The following ANKRD12 variants were observed in gnomAD, a reference collection of about 807,000 sequenced individuals.
The protein encoded by ANKRD12 is ankyrin repeat domain 12.
In ANKRD12, 85 loss-of-function variants were observed where a neutral mutation model predicts 183.4. The ratio of observed to expected loss-of-function variants is 0.46; its 90% CI spans 0.39 to 0.56. The LOEUF is 0.56. Among genes scored for constraint, ANKRD12 ranks in the 20% least tolerant of loss-of-function variants. The pLI, the probability that ANKRD12 is intolerant of heterozygous loss-of-function variation, is 0.00. For missense variants in ANKRD12, 2,405 were observed against 2,357.1 expected (o/e 1.02, Z -0.42); for synonymous variants, 914 against 800.2 (o/e 1.14, Z -2.40).
intron 4 of ANKRD12, among the ~76,000 whole-genome samples, chr18:9,206,884 A>C (rs1395398845): frequency 2.0e-5 from 3 of 152,074 alleles, no homozygotes; most frequent in Non-Finnish European, 4.4e-5. Context: ...TACAAACAAA[A>C]ATGCAAAATT....
At position 9,179,452 on chromosome 18, in the gene ANKRD12, C is replaced by A. The variant is rs117176359; in HGVS notation, c.-51-2930C>A. On this transcript the variant is annotated intron_variant, in intron 1 of 12. Coordinates refer to ENST00000262126, the MANE Select transcript of ANKRD12 (RefSeq NM_015208.5). Reference sequence around the variant, plus strand: ...TTGAATGTTAGCTAACACATTTTATCTTACCTGTTGAGATGGTCATATATT... The same window carrying A: ...TTGAATGTTAGCTAACACATTTTATATTACCTGTTGAGATGGTCATATATT... Among the ~76,000 whole-genome samples, 34 of 152,210 alleles carry A rather than the reference C, an allele frequency of 2.2e-4. 1 individual carries two copies. In the East Asian group the frequency reaches 5.8e-3, roughly 26 times the overall value.
At chr18:9,155,130 T>G (rs1474485403) in intron 1 of ANKRD12, among the ~76,000 whole-genome samples, 1 of 152,130 alleles carries the variant, frequency 6.6e-6, no homozygotes, top group Non-Finnish European at 1.5e-5. Flanking sequence ...AAGAAGAGAT[T>G]AAAAAATAAG....
chr18:9,150,247 T>C (rs938484768), intron 1 of ANKRD12, among the ~76,000 whole-genome samples: 3 of 152,182 alleles, frequency 2.0e-5, no homozygotes, highest in Non-Finnish European at 4.4e-5. Flanking sequence ...CTATTCTGGA[T>C]TTAGAGTTAG....
intron 4 of ANKRD12, among the ~76,000 whole-genome samples, chr18:9,205,463 C>T (rs1390843423): frequency 6.6e-6 from 1 of 151,570 alleles, no homozygotes; most frequent in African/African-American, 2.4e-5. Context: ...GTGGAAGAAC[C>T]AAATAATAAT....
At chr18:9,153,895 GTTCT>G (rs2143628141) in intron 1 of ANKRD12, among the ~76,000 whole-genome samples, 1 of 152,122 alleles carries the variant, frequency 6.6e-6, no homozygotes, top group African/African-American at 2.4e-5. Flanking sequence ...AATCTGAAGA[GTTCT>G]TTATTTCAAC....
At chr18:9,244,574 A>C (rs1215305149) in intron 8 of ANKRD12, among the ~76,000 whole-genome samples, 1 of 152,342 alleles carries the variant, frequency 6.6e-6, no homozygotes, top group East Asian at 1.9e-4. Flanking sequence ...AACTTTGTGA[A>C]GAGTGTTACC....
intron 1 of ANKRD12, among the ~76,000 whole-genome samples, chr18:9,145,841 C>T (rs1208118556): frequency 6.6e-6 from 1 of 152,158 alleles, no homozygotes; most frequent in Non-Finnish European, 1.5e-5. Flanking sequence ...TAGAAAGGTT[C>T]TTAAGGGTTT....
intron 2 of ANKRD12, among the ~76,000 whole-genome samples, chr18:9,189,228 A>G (rs974149694): frequency 6.6e-6 from 1 of 152,214 alleles, no homozygotes; most frequent in Middle Eastern, 3.2e-3. Context: ...CCAAAGTTCA[A>G]TCCAGATCAA....
At position 9,254,631 on chromosome 18, in the gene ANKRD12, A is replaced by G; in HGVS notation, c.1364A>G (p.Gln455Arg). ...VIPETSNSDM[Q>R]TKKEYVVSGE... ...CCTGAAACATCAAATTCTGATATGC[A>G]AACCAAAAAGGAATATGTAGTTTCA... Residue 455 changes from glutamine to arginine, a missense_variant, in exon 9 of 13, where the codon CAA (glutamine) becomes CGA (arginine). Gln to Arg is a conservative substitution (Grantham distance 43). Transcript: ENST00000262126. 1 of 1,582,332 alleles carries G rather than the reference A, an allele frequency of 6.3e-7. No homozygotes were observed. The highest frequency in any genetic ancestry group is 2.3e-5 in the East Asian group (1 of 44,304).
At chr18:9,250,538 G>A (rs11664929) in intron 8 of ANKRD12, among the ~76,000 whole-genome samples, 16,768 of 151,834 alleles carry the variant, frequency 0.11, 1,083 homozygotes, top group African/African-American at 0.16. Context: ...GGGCAACATA[G>A]TGAGTCCTCA....
At position 9,262,614 on chromosome 18, in the gene ANKRD12, C is replaced by T. The variant is rs1285643108; in HGVS notation, c.5665-1176C>T. ...TGCTGAGGCTACAGGCAGACACCAC[C>T]ACATCCAGCTAATTTTTAAATTTTT... On this transcript the variant is annotated intron_variant, in intron 9 of 12. Transcript: ENST00000262126. 4.6e-5 allele frequency among the ~76,000 whole-genome samples: 7 copies of T among 151,792 alleles called. No homozygotes were observed. The South Asian group carries it at 8.3e-4, about 18-fold the overall frequency.
chr18:9,213,788 G>A (rs910957313), intron 6 of ANKRD12, among the ~76,000 whole-genome samples: 2 of 151,720 alleles, frequency 1.3e-5, no homozygotes, highest in Non-Finnish European at 3.0e-5. Context: ...AAGTAATTAA[G>A]TTTATTTTAG....
chr18:9,251,534 C>CTGT (rs2145133141), intron 8 of ANKRD12, among the ~76,000 whole-genome samples: 1 of 152,268 alleles, frequency 6.6e-6, no homozygotes, highest in South Asian at 2.1e-4. Context: ...TGGCTCACAC[C>CTGT]TGTAATCCCA....
rs756217370 is a variant in ANKRD12, at chr18:9,221,969, C to G, written c.913C>G (p.Pro305Ala). 6.2e-7 allele frequency: 1 copy of G among 1,613,524 alleles called. No homozygotes were observed. The stretch of plus-strand genomic sequence containing the variant: ...GGAGTTGCTACTAAAAAGAGAGGTG[C>G]CTTTATCTGATGATGATGAAAGTTA... ...ELELLLKREVPLSDDDESYTD... is the reference protein window; with the variant it reads ...ELELLLKREVALSDDDESYTD... Residue 305 changes from proline to alanine, a missense_variant, in exon 8 of 13, where the codon CCT becomes GCT. Pro to Ala is a conservative substitution (Grantham distance 27). This residue lies in a region of ANKRD12 where 1,983 missense variants were observed against 1,725.9 expected (regional missense o/e 1.15). Transcript: ENST00000262126.
chr18:9,142,827 T>C (rs2078365045), intron 1 of ANKRD12, among the ~76,000 whole-genome samples: 1 of 151,860 alleles, frequency 6.6e-6, no homozygotes, highest in Non-Finnish European at 1.5e-5. Flanking sequence ...GAGGTTGCAG[T>C]GAGCCAAAAT....
chr18:9,228,972 G>A (rs923583453), intron 8 of ANKRD12, among the ~76,000 whole-genome samples: 3 of 151,000 alleles, frequency 2.0e-5, no homozygotes, highest in Non-Finnish European at 4.4e-5. Flanking sequence ...AATTCATTTT[G>A]AGTTGACTTT....
At chr18:9,276,738 A>G (rs1303791412) in intron 11 of ANKRD12, among the ~76,000 whole-genome samples, 3 of 152,104 alleles carry the variant, frequency 2.0e-5, no homozygotes, top group Non-Finnish European at 2.9e-5. Context: ...AAAAACTTTA[A>G]GTCTCCAACT....
chr18:9,190,123 G>A (rs2034359668), intron 2 of ANKRD12, among the ~76,000 whole-genome samples: 1 of 152,148 alleles, frequency 6.6e-6, no homozygotes, highest in African/African-American at 2.4e-5. Context: ...CCAGAGTTTG[G>A]AAAAGTTGAT....
At chr18:9,153,152 A>G (rs1390137275) in intron 1 of ANKRD12, among the ~76,000 whole-genome samples, 1 of 152,164 alleles carries the variant, frequency 6.6e-6, no homozygotes, top group Non-Finnish European at 1.5e-5. Context: ...TATTTCTATT[A>G]TTTGAGTGCC....
Sources: allele counts gnomAD v4.1 joint callset (sites outside exome capture counted in the v4.1 genomes callset), GRCh38; gene constraint gnomAD v4.1.1; regional missense constraint gnomAD v4.1.1; transcripts MANE v1.5; gene names NCBI Gene and HGNC (gene_info 2026-07-23, HGNC 2026-07-21).